The following PDE1C variants were observed in gnomAD, a reference collection of about 807,000 sequenced individuals.
PDE1C encodes phosphodiesterase 1C.
Under a neutral mutation model 93.1 loss-of-function variants are expected in PDE1C, and 62 were observed. That is an observed-to-expected ratio of 0.67 (90% CI 0.54 to 0.82). PDE1C has a LOEUF of 0.82. Among genes scored for constraint, PDE1C ranks in the 40% least tolerant of loss-of-function variants. PDE1C has a pLI of 0.00. For missense variants in PDE1C, 742 were observed against 884.6 expected (o/e 0.84, Z 2.04); for synonymous variants, 325 against 310.1 (o/e 1.05, Z -0.50).
chr7:31,618,406 A>G, the PDE1C span, among the ~76,000 whole-genome samples: 1 of 152,182 alleles, frequency 6.6e-6, no homozygotes, highest in African/African-American at 2.4e-5. Flanking sequence ...TAGGCTATTG[A>G]AGAAGAGGCA....
intron 2 of PDE1C, among the ~76,000 whole-genome samples, chr7:31,887,024 A>T (rs1175626815): frequency 1.3e-5 from 2 of 152,128 alleles, no homozygotes; most frequent in Non-Finnish European, 2.9e-5. Flanking sequence ...GAATGATGAG[A>T]TTGGCATTTT....
At chr7:32,177,767 G>T (rs1803110709) in intron 2 of PDE1C, among the ~76,000 whole-genome samples, 1 of 152,168 alleles carries the variant, frequency 6.6e-6, no homozygotes, top group East Asian at 1.9e-4. Flanking sequence ...GGCCCACATG[G>T]TATGATGTGC....
rs187245539 is a variant in PDE1C at position 32,237,998 on chromosome 7, G to A, written c.86-28459C>T. Among the ~76,000 whole-genome samples the A allele has an allele frequency of 5.2e-3, 791 of 151,862 alleles. 2 individuals are homozygous for A. The highest frequency in any genetic ancestry group is 7.7e-3 in the Non-Finnish European group (524 of 67,942). ...TTGGTCAGGCTGGTCTTGAACTCCC[G>A]ATCTCAGGTGATCCGCCCACCTCGG... On this transcript the variant is annotated intron_variant, in intron 1 of 18. Transcript: ENST00000396193.
rs534518127 is a variant in PDE1C, at chr7:32,129,336, C to T, written c.308+40449G>A. Among the ~76,000 whole-genome samples, 2 of 123,450 alleles carry T rather than the reference C, an allele frequency of 1.6e-5. 1 individual carries two copies. The highest frequency in any genetic ancestry group is 3.3e-5 in the Non-Finnish European group (2 of 61,296). The allele number at this position is 123,450 out of a possible 152,430, so 81.0% of individuals were successfully genotyped here. ...TTTTATTTGTTTTTGAGAAAACATA[C>T]ACAAATAGTAAAAAGATATAAAAAA... On this transcript the variant is annotated intron_variant, in intron 3 of 18. Transcript: ENST00000396193.
intron 1 of PDE1C, among the ~76,000 whole-genome samples, chr7:32,425,342 C>A (rs1031733462): frequency 1.3e-5 from 2 of 151,940 alleles, no homozygotes; most frequent in African/African-American, 4.8e-5. Context: ...CTACCTAAAC[C>A]CACCTCTCTT....
chr7:32,267,418 G>A (rs578060116), intron 1 of PDE1C, among the ~76,000 whole-genome samples: 43 of 152,290 alleles, frequency 2.8e-4, no homozygotes, highest in African/African-American at 9.6e-4. Context: ...AGTGAAAAGA[G>A]GGGGCACGTC....
intron 1 of PDE1C, among the ~76,000 whole-genome samples, chr7:32,234,292 A>C (rs1807917257): frequency 6.6e-6 from 1 of 152,030 alleles, no homozygotes; most frequent in Non-Finnish European, 1.5e-5. Context: ...TTAAAAGAAC[A>C]ACAAAGAAAA....
chr7:31,785,118 A>G (rs1783789035), intron 16 of PDE1C: 2 of 152,246 alleles, frequency 1.3e-5, no homozygotes, highest in Admixed American at 1.3e-4. Flanking sequence ...AAACTGACTG[A>G]GAAATGATCC....
At chr7:32,229,549 G>A (rs73306610) in intron 1 of PDE1C, among the ~76,000 whole-genome samples, 1,864 of 152,216 alleles carry the variant, frequency 0.012, 16 homozygotes, top group African/African-American at 0.02. Context: ...ACCTTTATAC[G>A]TCTCTTGGGA....
intron 3 of PDE1C, among the ~76,000 whole-genome samples, chr7:32,133,033 T>C (rs1445512561): frequency 6.6e-6 from 1 of 152,166 alleles, no homozygotes. Context: ...GGTTTGAATA[T>C]CTCAAATTTG....
At chr7:32,141,096 G>A (rs900932681) in intron 3 of PDE1C, among the ~76,000 whole-genome samples, 3 of 152,206 alleles carry the variant, frequency 2.0e-5, no homozygotes, top group African/African-American at 7.2e-5. Context: ...AAAAGAATAG[G>A]ATGTTCCAAA....
chr7:32,226,441 C>A (rs1265967107), intron 1 of PDE1C, among the ~76,000 whole-genome samples: 1 of 152,182 alleles, frequency 6.6e-6, no homozygotes, highest in Non-Finnish European at 1.5e-5. Flanking sequence ...CACTATGACC[C>A]CTTTATTCAT....
the PDE1C span, among the ~76,000 whole-genome samples, chr7:31,630,517 TAAA>T: frequency 1.3e-5 from 2 of 152,272 alleles, no homozygotes; most frequent in African/African-American, 4.8e-5. Context: ...GTTGAACTAA[TAAA>T]GATTCTGAGG....
chr7:31,619,374 T>C, the PDE1C span, among the ~76,000 whole-genome samples: 3 of 152,234 alleles, frequency 2.0e-5, no homozygotes, highest in African/African-American at 4.8e-5. Context: ...ACTCTCAGTG[T>C]TGAATTTTCA....
At chr7:32,330,852 G>A (rs946605626) in intron 1 of PDE1C, among the ~76,000 whole-genome samples, 8 of 152,180 alleles carry the variant, frequency 5.3e-5, no homozygotes, top group East Asian at 1.9e-4. Flanking sequence ...GCAGGGAATC[G>A]CATCTGCTAA....
At chr7:31,634,313 G>A in the PDE1C span, among the ~76,000 whole-genome samples, 16 of 152,116 alleles carry the variant, frequency 1.1e-4, no homozygotes, top group African/African-American at 2.7e-4. Flanking sequence ...TTAATGATAC[G>A]AAGATTGAGT....
chr7:32,256,953 T>C (rs755417655), intron 1 of PDE1C, among the ~76,000 whole-genome samples: 30 of 152,154 alleles, frequency 2.0e-4, no homozygotes, highest in Non-Finnish European at 3.5e-4. Flanking sequence ...CATTTTGAGG[T>C]TGATCCCGGG....
At chr7:31,932,852 T>C (rs551754061) in intron 2 of PDE1C, among the ~76,000 whole-genome samples, 21 of 152,150 alleles carry the variant, frequency 1.4e-4, no homozygotes, top group Non-Finnish European at 2.6e-4. Context: ...AAAGAAAATG[T>C]GGCACATATA....
At chr7:32,191,037 G>T (rs959340532) in intron 2 of PDE1C, among the ~76,000 whole-genome samples, 4 of 152,238 alleles carry the variant, frequency 2.6e-5, no homozygotes, top group South Asian at 2.1e-4. Context: ...GGGCTTAAAT[G>T]GTGAATTACT....
Sources: gnomAD v4.1 joint callset for allele counts (sites outside exome capture counted in the v4.1 genomes callset) on GRCh38, gnomAD v4.1.1 for gene constraint, MANE v1.5 for transcripts, NCBI Gene and HGNC (gene_info 2026-07-23, HGNC 2026-07-21) for gene names.